Variants in GATAD2A observed in about 807,000 individuals in gnomAD.
GATAD2A encodes transcriptional repressor p66-alpha.
GATAD2A carries 12 observed loss-of-function variants against 68.5 expected under a neutral mutation model. The ratio of observed to expected loss-of-function variants is 0.18; its 90% confidence interval spans 0.11 to 0.28. GATAD2A has a LOEUF of 0.28. Ranked by LOEUF, GATAD2A falls within the 10% of genes least tolerant of loss-of-function variation. The pLI, the probability that GATAD2A is intolerant of heterozygous loss-of-function variation, is 1.00. For missense variants in GATAD2A, 755 were observed against 868.5 expected (o/e 0.87, Z 1.64); for synonymous variants, 410 against 375.3 (o/e 1.09, Z -1.07).
At chr19:19,454,388 A>G (rs991042362) in intron 1 of GATAD2A, among the ~76,000 whole-genome samples, 3 of 151,460 alleles carry the variant, frequency 2.0e-5, no homozygotes, top group African/African-American at 7.3e-5. Context: ...ACCTGAGCTC[A>G]GGAGTTCGAG....
chr19:19,457,684 T>A (rs1315336346), intron 1 of GATAD2A, among the ~76,000 whole-genome samples: 3 of 149,534 alleles, frequency 2.0e-5, no homozygotes, highest in Non-Finnish European at 4.4e-5. Context: ...GAGCTTGCAG[T>A]GAGCCGAGAT....
At chr19:19,406,449 C>G (rs2050269959) in intron 1 of GATAD2A, among the ~76,000 whole-genome samples, 2 of 150,882 alleles carry the variant, frequency 1.3e-5, no homozygotes, top group East Asian at 2.0e-4. Context: ...AACGCTGAAC[C>G]CCGCGGCGGC....
At chr19:19,433,646 A>G (rs889292814) in intron 1 of GATAD2A, among the ~76,000 whole-genome samples, 1 of 152,214 alleles carries the variant, frequency 6.6e-6, no homozygotes, top group African/African-American at 2.4e-5. Flanking sequence ...TGATTGATTC[A>G]TGCAAACAAC....
intron 2 of GATAD2A, among the ~76,000 whole-genome samples, chr19:19,480,544 A>T (rs958692612): frequency 2.6e-5 from 4 of 152,224 alleles, no homozygotes; most frequent in African/African-American, 9.6e-5. Flanking sequence ...CCACTGCAGT[A>T]TGCAGCAGGA....
intron 2 of GATAD2A, among the ~76,000 whole-genome samples, chr19:19,473,594 T>C (rs1426829774): frequency 6.6e-6 from 1 of 152,042 alleles, no homozygotes; most frequent in African/African-American, 2.4e-5. Context: ...TCATTTGATA[T>C]TAAGACAGGT....
At chr19:19,447,478 G>C (rs2055862284) in intron 1 of GATAD2A, among the ~76,000 whole-genome samples, 3 of 152,338 alleles carry the variant, frequency 2.0e-5, no homozygotes, top group Admixed American at 2.0e-4. Context: ...CTGTTGCCCA[G>C]AGGTTGGTGT....
rs540153250 is a variant in GATAD2A at position 19,405,744 on chromosome 19, G to A, written c.-282G>A. ...AGCTCCCCGGTGTTTTGGGGGCCGC[G>A]GGCCGGGCGCGCTGACCTGGTGCGC... is the stretch of plus-strand genomic sequence containing the variant. On this transcript the variant is annotated 5_prime_UTR_variant, in exon 1 of 12. Transcript: ENST00000683918. 6.6e-6 allele frequency: 1 copy of A among 151,604 alleles called. No individual in the cohort carries two copies. The highest frequency in any genetic ancestry group is 1.9e-4 in the East Asian group (1 of 5,160). The allele number at this position is 151,604 out of a possible 1,614,324, so 9.4% of individuals were successfully genotyped here.
At chr19:19,431,068 G>A (rs916334677) in intron 1 of GATAD2A, among the ~76,000 whole-genome samples, 1 of 151,294 alleles carries the variant, frequency 6.6e-6, no homozygotes, top group Non-Finnish European at 1.5e-5. Flanking sequence ...TATCAAGGGA[G>A]CGGAAGAGTC....
At chr19:19,450,667 C>T (rs568592450) in intron 1 of GATAD2A, among the ~76,000 whole-genome samples, 1 of 148,082 alleles carries the variant, frequency 6.8e-6, no homozygotes, top group Non-Finnish European at 1.5e-5. Flanking sequence ...GGGGCTTTTT[C>T]TTCATCGTGT....
intron 1 of GATAD2A, 26 bp from the exon 2 acceptor site, chr19:19,465,314 T>C (rs1204859256): frequency 1.9e-6 from 3 of 1,589,612 alleles, no homozygotes; most frequent in South Asian, 2.2e-5. Flanking sequence ...CCAGTTAAAA[T>C]GTTGTGTCTT....
At chr19:19,475,164 GCC>G (rs2058589739) in intron 2 of GATAD2A, among the ~76,000 whole-genome samples, 1 of 152,192 alleles carries the variant, frequency 6.6e-6, no homozygotes, top group Non-Finnish European at 1.5e-5. Flanking sequence ...CTCCCGGCCC[GCC>G]GGCCGGCTGT....
At chr19:19,501,537 T>A in intron 9 of GATAD2A, 121 bp downstream of exon 9, 1 of 810,142 alleles carries the variant, frequency 1.2e-6, no homozygotes, top group Non-Finnish European at 1.9e-6. Flanking sequence ...CAGTTAATGG[T>A]GGTGTTGGGC....
At chr19:19,502,803 C>T (rs912965557) in intron 11 of GATAD2A, among the ~76,000 whole-genome samples, 1 of 152,234 alleles carries the variant, frequency 6.6e-6, no homozygotes, top group African/African-American at 2.4e-5. Flanking sequence ...CAGAGGGTGC[C>T]CCCACAGCCA....
intron 1 of GATAD2A, among the ~76,000 whole-genome samples, chr19:19,388,462 CTCTGGACTTTTATT>C (rs1218473645): frequency 6.6e-6 from 1 of 152,060 alleles, no homozygotes; most frequent in Non-Finnish European, 1.5e-5. Flanking sequence ...TAGGGGTATT[CTCTGGACTTTTATT>C]TCGGTTTCCA....
chr19:19,387,519 A>G (rs896602115), intron 1 of GATAD2A, among the ~76,000 whole-genome samples: 3 of 151,546 alleles, frequency 2.0e-5, no homozygotes, highest in Non-Finnish European at 4.4e-5. Flanking sequence ...GGGTTTCATC[A>G]TGTTGGCCAG....
intron 1 of GATAD2A, among the ~76,000 whole-genome samples, chr19:19,400,154 CAG>C (rs1263177174): frequency 6.6e-6 from 1 of 151,968 alleles, no homozygotes. Context: ...CAGATGAAGA[CAG>C]AGTGGGAGAT....
At chr19:19,464,851 G>T (rs923358508) in intron 1 of GATAD2A, 1 of 182,412 alleles carries the variant, frequency 5.5e-6, no homozygotes, top group Middle Eastern at 2.7e-3. Context: ...AGAAGCTGGG[G>T]TTAACTCGAG....
chr19:19,438,012 T>C (rs1294092825), intron 1 of GATAD2A, among the ~76,000 whole-genome samples: 1 of 152,208 alleles, frequency 6.6e-6, no homozygotes, highest in African/African-American at 2.4e-5. Flanking sequence ...CTGTTATCCA[T>C]GGCGCCTGCA....
At chr19:19,394,051 T>A (rs2146875359) in intron 1 of GATAD2A, among the ~76,000 whole-genome samples, 1 of 152,022 alleles carries the variant, frequency 6.6e-6, no homozygotes, top group Non-Finnish European at 1.5e-5. Flanking sequence ...CACGGCTGGC[T>A]AATTTTTTGT....
Sources: gnomAD v4.1 joint callset for allele counts (sites outside exome capture counted in the v4.1 genomes callset) on GRCh38, gnomAD v4.1.1 for gene constraint, MANE v1.5 for transcripts, NCBI Gene and HGNC (gene_info 2026-07-23, HGNC 2026-07-21) for gene names.